Variants in WDFY3 observed in about 807,000 individuals in gnomAD.
WDFY3 encodes WD repeat and FYVE domain containing 3.
WDFY3 carries 66 observed loss-of-function variants against 409.6 expected under a neutral mutation model. The observed-to-expected ratio is 0.16, with a 90% CI of 0.13 to 0.20. WDFY3 has a LOEUF of 0.20. Among genes scored for constraint, WDFY3 ranks in the 10% least tolerant of loss-of-function variants. The pLI is 1.00. For synonymous variants in WDFY3, 1,521 were observed against 1,537.1 expected (o/e 0.99, Z 0.25); for missense variants, 3,031 against 4,298.1 (o/e 0.71, Z 8.24).
chr4:84,932,017 A>G (rs548194241), intron 2 of WDFY3, among the ~76,000 whole-genome samples: 2 of 152,314 alleles, frequency 1.3e-5, no homozygotes, highest in East Asian at 1.9e-4. Context: ...AAGAAAAGTA[A>G]TATTGATTTA....
At chr4:84,711,154 G>A (rs138911742) in intron 51 of WDFY3, among the ~76,000 whole-genome samples, 1 of 152,310 alleles carries the variant, frequency 6.6e-6, no homozygotes, top group East Asian at 1.9e-4. Flanking sequence ...AGGGCTACTA[G>A]TTACTGAGTG....
intron 30 of WDFY3, among the ~76,000 whole-genome samples, chr4:84,769,687 G>T (rs1203240372): frequency 6.6e-6 from 1 of 152,088 alleles, no homozygotes; most frequent in Non-Finnish European, 1.5e-5. Flanking sequence ...CTCCCAAAGT[G>T]CTGGGATTAC....
At chr4:84,905,970 A>G (rs550641060) in intron 2 of WDFY3, among the ~76,000 whole-genome samples, 30 of 152,270 alleles carry the variant, frequency 2.0e-4, no homozygotes, top group Admixed American at 7.2e-4. Context: ...ATGACCCTCT[A>G]TCACCTCATC....
chr4:84,724,516 T>C lies in WDFY3; in HGVS notation c.7351A>G (p.Ile2451Val). Residue 2451 changes from isoleucine (I) to valine (V), a missense_variant, in exon 46 of 68, where the codon ATT becomes GTT. By Grantham distance (29) the Ile-to-Val change is conservative (BLOSUM62 3). Coordinates refer to ENST00000295888, the MANE Select transcript of WDFY3 (RefSeq NM_014991.6). ...YMRLASGNPA[I>V]VQDAIVESSE... ...CTCTCCACAATGGCGTCTTGGACAA[T>C]GGCGGGATTGCCAGAGGCCAGTCGC... is the stretch of plus-strand genomic sequence containing the variant. 1 of 1,614,160 alleles carries C rather than the reference T, an allele frequency of 6.2e-7. No individual in the cohort carries two copies. The highest frequency in any genetic ancestry group is 8.5e-7 in the Non-Finnish European group (1 of 1,180,008).
chr4:84,948,708 A>G (rs1349118883), intron 1 of WDFY3, among the ~76,000 whole-genome samples: 2 of 152,104 alleles, frequency 1.3e-5, no homozygotes, highest in Admixed American at 6.6e-5. Flanking sequence ...TTTCCTGTTT[A>G]TAGCTCAGCT....
chr4:84,764,968 A>G (rs1743375013), intron 32 of WDFY3, among the ~76,000 whole-genome samples: 1 of 152,186 alleles, frequency 6.6e-6, no homozygotes, highest in Non-Finnish European at 1.5e-5. Context: ...TTTTTCTATA[A>G]ATGAATTACA....
chr4:84,740,716 A>AGG (rs1008736262), intron 38 of WDFY3, among the ~76,000 whole-genome samples: 4 of 152,296 alleles, frequency 2.6e-5, no homozygotes, highest in African/African-American at 9.6e-5. Flanking sequence ...TGTGACAGCT[A>AGG]GGGGAGTCTC....
intron 45 of WDFY3, among the ~76,000 whole-genome samples, chr4:84,725,065 C>T (rs1158965090): frequency 6.6e-6 from 1 of 152,194 alleles, no homozygotes; most frequent in Non-Finnish European, 1.5e-5. Context: ...AGTTCAAATA[C>T]TTGGAGGTAG....
At chr4:84,729,686 TAA>T (rs5859949) in intron 44 of WDFY3, among the ~76,000 whole-genome samples, 53 of 149,642 alleles carry the variant, frequency 3.5e-4, no homozygotes, top group Admixed American at 1.0e-3. Flanking sequence ...CTTTAATGAG[TAA>T]AAAAAAAAAA....
At chr4:84,710,867 T>C (rs1209193709) in intron 51 of WDFY3, among the ~76,000 whole-genome samples, 2 of 152,334 alleles carry the variant, frequency 1.3e-5, no homozygotes, top group Middle Eastern at 3.4e-3. Flanking sequence ...TTTCACTTCC[T>C]GTATTTATGT....
At chr4:84,836,892 A>G in intron 7 of WDFY3, 37 bp downstream of exon 7, 1 of 1,411,990 alleles carries the variant, frequency 7.1e-7, no homozygotes. Flanking sequence ...ACTTCCCTTT[A>G]AATAGGGTGG....
At chr4:84,772,507 GAT>G (rs1744842553) in intron 30 of WDFY3, among the ~76,000 whole-genome samples, 1 of 152,040 alleles carries the variant, frequency 6.6e-6, no homozygotes, top group Non-Finnish European at 1.5e-5. Flanking sequence ...TTTCTGAAGA[GAT>G]ATACATACAT....
At position 84,808,510 on chromosome 4, in the gene WDFY3, A is replaced by G. The variant is rs944905811; in HGVS notation, c.2346-93T>C. ...GGTTAGTTTCACAAGAAATGCCAGT[A>G]AAAGTTTAATAAGGAACATCTTCCA... On this transcript the variant is annotated intron_variant, in intron 14 of 67. Transcript: ENST00000295888. 124 of 988,842 alleles carry G rather than the reference A, an allele frequency of 1.3e-4. No individual in the cohort carries two copies. The East Asian group carries it at 3.0e-3, about 24-fold the overall frequency. 61.3% of individuals were successfully genotyped at this position (988,842 alleles called of 1,614,324 possible).
chr4:84,680,179 A>G (rs1163457433), intron 64 of WDFY3, among the ~76,000 whole-genome samples: 1 of 152,182 alleles, frequency 6.6e-6, no homozygotes, highest in Non-Finnish European at 1.5e-5. Context: ...GTGGGCCACC[A>G]CACCCAGCTA....
Position 84,672,764 on chromosome 4 carries a change from G to A in WDFY3, c.*104C>T. On this transcript the variant is annotated 3_prime_UTR_variant, in exon 68 of 68. Transcript: ENST00000295888. ...TTTTAACACTTCAAACACGTGGTAT[G>A]AAGAGATGTGTAAACGGAGACTGTT... 2 of 1,490,462 alleles carry A rather than the reference G, an allele frequency of 1.3e-6. No homozygotes were observed. The highest frequency in any genetic ancestry group is 1.8e-4 in the Middle Eastern group (1 of 5,514). The allele number at this position is 1,490,462 out of a possible 1,614,324, so 92.3% of individuals were successfully genotyped here.
chr4:84,716,165 C>T lies in WDFY3; in HGVS notation c.7875+731G>A, dbSNP rs565532143. On this transcript the variant is annotated intron_variant, in intron 49 of 67. Coordinates refer to ENST00000295888, the MANE Select transcript of WDFY3 (RefSeq NM_014991.6). ...TCTAAATGCAGATCCTGGCCAGCCA[C>T]GGTGGCTCACGCCTGTAATCCCAGC... Among the ~76,000 whole-genome samples, 14 of 152,214 alleles carry T rather than the reference C, an allele frequency of 9.2e-5. No homozygotes were observed. The South Asian group carries it at 1.9e-3, about 20-fold the overall frequency.
At position 84,709,158 on chromosome 4, in the gene WDFY3, T is replaced by A. The variant is rs774477713; in HGVS notation, c.8098-130A>T. Reference sequence around the variant, plus strand: ...CAGATTTCAGAACAATGAAATACTTTTTTTTCTAAAAAGAATGAAAATAAA... The same window carrying A: ...CAGATTTCAGAACAATGAAATACTTATTTTTCTAAAAAGAATGAAAATAAA... On this transcript the variant is annotated intron_variant, in intron 52 of 67. Transcript: ENST00000295888. 1,168 of 1,435,600 alleles carry A rather than the reference T, an allele frequency of 8.1e-4. 2 individuals carry two copies. The highest frequency in any genetic ancestry group is 1.0e-3 in the Non-Finnish European group (1,068 of 1,061,720). The allele number at this position is 1,435,600 out of a possible 1,614,324, so 88.9% of individuals were successfully genotyped here.
At chr4:84,677,531 C>G in intron 66 of WDFY3, 135 bp from the exon 67 acceptor site, 1 of 732,096 alleles carries the variant, frequency 1.4e-6, no homozygotes, top group Non-Finnish European at 2.1e-6. Flanking sequence ...CCTTGATTCA[C>G]TCAGAGATGT....
At chr4:84,910,240 CT>C (rs763567847) in intron 2 of WDFY3, among the ~76,000 whole-genome samples, 3 of 152,094 alleles carry the variant, frequency 2.0e-5, no homozygotes, top group Non-Finnish European at 4.4e-5. Context: ...TGTGCAAAAA[CT>C]ATGCCATTTC....
Sources: allele counts gnomAD v4.1 joint callset (sites outside exome capture counted in the v4.1 genomes callset), GRCh38; gene constraint gnomAD v4.1.1; transcripts MANE v1.5; gene names NCBI Gene and HGNC (gene_info 2026-07-23, HGNC 2026-07-21).